Variants in KIF1B observed in about 807,000 individuals in gnomAD.
KIF1B encodes the protein kinesin-like protein KIF1B.
KIF1B carries 76 observed loss-of-function variants against 241.9 expected under a neutral mutation model. The observed-to-expected ratio is 0.31, with a 90% CI of 0.26 to 0.38. KIF1B has a LOEUF of 0.38. KIF1B is among the 10% of genes least tolerant of loss of function. The probability of loss-of-function intolerance (pLI) is 1.00; values close to 1 mark genes in which losing one functional copy is unlikely to be tolerated. For missense variants in KIF1B, 1,622 were observed against 2,271.4 expected (o/e 0.71, Z 5.81); for synonymous variants, 750 against 796.7 (o/e 0.94, Z 0.99).
At position 10,296,624 on chromosome 1, in the gene KIF1B, T is replaced by C; in HGVS notation, c.1820T>C (p.Val607Ala). Residue 607 changes from valine (V) to alanine (A), a missense_variant, in exon 20 of 49, where the codon GTA becomes GCA. Transcript: ENST00000676179. Reference protein sequence around the residue: ...LEPCERSETYVNGKRVSQPVQ... With the variant: ...LEPCERSETYANGKRVSQPVQ... ...CCCTGTGAGCGCTCAGAAACCTACG[T>C]AAATGGCAAGAGGGTGTCCCAGCCT... 1 of 1,614,018 alleles carries C rather than the reference T, an allele frequency of 6.2e-7. No homozygotes were observed. Among genetic ancestry groups the C allele is most frequent in the Non-Finnish European group, 8.5e-7 (1 of 1,179,966 alleles).
In KIF1B at chr1:10,298,626, TTTATC is replaced by T. The variant is rs57105776; in HGVS notation, c.2115+1384_2115+1388del. 3.2e-3 allele frequency among the ~76,000 whole-genome samples: 491 copies of T among 152,256 alleles called. 4 individuals are homozygous for T. The highest frequency in any genetic ancestry group is 0.011 in the African/African-American group (476 of 41,548). On this transcript the variant is annotated intron_variant, in intron 22 of 48. Coordinates refer to ENST00000676179, the MANE Select transcript of KIF1B (RefSeq NM_001365951.3). ...AGGTTTGTGACACAAGAAGATGTCT[TTTATC>T]TTAATAATGTAGTACATTCTAATAA...
At position 10,375,081 on chromosome 1, in the gene KIF1B, C is replaced by T. The variant is rs373547749; in HGVS notation, c.5289+35C>T. ...GCCCTGCCTTGGTTTCTTATTGCCA[C>T]GTGTGCCCTTCTCTTTTGATTTCTG... is the stretch of plus-strand genomic sequence containing the variant. On this transcript the variant is annotated intron_variant, in intron 47 of 48. Coordinates refer to ENST00000676179, the MANE Select transcript of KIF1B (RefSeq NM_001365951.3). 27 of 1,601,580 alleles carry T rather than the reference C, an allele frequency of 1.7e-5. No homozygotes were observed. In the African/African-American group the frequency reaches 1.9e-4, roughly 11 times the overall value.
intron 1 of KIF1B, among the ~76,000 whole-genome samples, chr1:10,221,026 A>C (rs1646838254): frequency 6.6e-6 from 1 of 151,168 alleles, no homozygotes; most frequent in Non-Finnish European, 1.5e-5. Context: ...GAGATTAAAA[A>C]TCTGATATGT....
At chr1:10,213,707 T>G (rs115472863) in intron 1 of KIF1B, among the ~76,000 whole-genome samples, 316 of 152,356 alleles carry the variant, frequency 2.1e-3, no homozygotes, top group African/African-American at 7.2e-3. Flanking sequence ...TGGCCTCGTT[T>G]GAACAGGTAC....
At chr1:10,344,161 T>C (rs1358920753) in intron 34 of KIF1B, among the ~76,000 whole-genome samples, 1 of 152,204 alleles carries the variant, frequency 6.6e-6, no homozygotes, top group East Asian at 1.9e-4. Context: ...GTTGGACACA[T>C]TTTCTGAGCA....
At chr1:10,293,162 C>A (rs1650091016) in intron 17 of KIF1B, among the ~76,000 whole-genome samples, 1 of 150,786 alleles carries the variant, frequency 6.6e-6, no homozygotes, top group Non-Finnish European at 1.5e-5. Flanking sequence ...ATTTTAGATG[C>A]ATATTGTAGA....
chr1:10,352,339 T>G (rs1167731754), intron 37 of KIF1B, among the ~76,000 whole-genome samples: 1 of 152,178 alleles, frequency 6.6e-6, no homozygotes, highest in Non-Finnish European at 1.5e-5. Context: ...TAAATGGCTG[T>G]TGCAGGTTCC....
intron 12 of KIF1B, among the ~76,000 whole-genome samples, chr1:10,277,434 G>A (rs1649177290): frequency 6.6e-6 from 1 of 152,154 alleles, no homozygotes; most frequent in Admixed American, 6.5e-5. Flanking sequence ...ACCTGGGCTC[G>A]TGTGATTCTC....
intron 5 of KIF1B, 72 bp from the exon 6 acceptor site, chr1:10,267,308 G>T: frequency 7.3e-7 from 1 of 1,370,896 alleles, no homozygotes; most frequent in Non-Finnish European, 1.0e-6. Flanking sequence ...GATTACAGGC[G>T]TGAGCCACCG....
chr1:10,256,084 C>T (rs994639351), intron 2 of KIF1B, among the ~76,000 whole-genome samples, 163 bp from the exon 3 acceptor site: 6 of 151,864 alleles, frequency 4.0e-5, no homozygotes, highest in Non-Finnish European at 8.8e-5. Flanking sequence ...GCTGAAATTA[C>T]AGGCATGAGC....
At chr1:10,322,654 G>C (rs1048900925) in intron 24 of KIF1B, among the ~76,000 whole-genome samples, 5 of 152,086 alleles carry the variant, frequency 3.3e-5, no homozygotes, top group African/African-American at 1.2e-4. Context: ...TCTTCTCCTA[G>C]AACTAAATTC....
chr1:10,380,517 C>T lies in KIF1B; in HGVS notation c.*3930C>T, dbSNP rs549049444. ...GGTCAGAAGTTTGAGACCAGCCTGGCCAACATGGTGAAACCCCGTCTCTAC... is the reference window on the plus strand; with the variant it reads ...GGTCAGAAGTTTGAGACCAGCCTGGTCAACATGGTGAAACCCCGTCTCTAC... On this transcript the variant is annotated 3_prime_UTR_variant, in exon 49 of 49. Coordinates refer to ENST00000676179, the MANE Select transcript of KIF1B (RefSeq NM_001365951.3). 1.7e-3 allele frequency: 309 copies of T among 181,142 alleles called. 1 individual carries two copies. Among genetic ancestry groups the T allele is most frequent in the African/African-American group, 6.9e-3 (292 of 42,520 alleles). The allele number at this position is 181,142 out of a possible 1,614,324, so 11.2% of individuals were successfully genotyped here.
At position 10,356,365 on chromosome 1, in the gene KIF1B, GA is replaced by G. The variant is rs528957527; in HGVS notation, c.4055+3638del. ...GGGCGACAGAGCGAGACTCTGTCTCGAAAAAAAAATACATAAACATATTTAT... is the reference window on the plus strand; with the variant it reads ...GGGCGACAGAGCGAGACTCTGTCTCGAAAAAAAATACATAAACATATTTAT... On this transcript the variant is annotated intron_variant, in intron 38 of 48. Coordinates refer to ENST00000676179, the MANE Select transcript of KIF1B (RefSeq NM_001365951.3). 1.0e-4 allele frequency among the ~76,000 whole-genome samples: 15 copies of G among 148,968 alleles called. No individual in the cohort carries two copies. In the East Asian group the frequency reaches 2.4e-3, roughly 24 times the overall value.
rs192109748 is a variant in KIF1B at position 10,275,322 on chromosome 1, G to T, written c.883-106G>T. ...AATGATAAACTTCCACAGTGTCGGG[G>T]TTGTACTGTAATTTAATTTACTTGG... On this transcript the variant is annotated intron_variant, in intron 10 of 48. Transcript: ENST00000676179. The T allele has an allele frequency of 1.2e-4, 87 of 722,568 alleles. No individual in the cohort carries two copies. The African/African-American group carries it at 1.3e-3, about 10-fold the overall frequency. 44.8% of individuals were successfully genotyped at this position (722,568 alleles called of 1,614,324 possible). A position where few individuals can be genotyped will look rare whatever the true frequency, so the allele number is the denominator to read the frequency against.
chr1:10,277,041 A>C (rs1221542941), intron 12 of KIF1B, among the ~76,000 whole-genome samples: 4 of 151,974 alleles, frequency 2.6e-5, no homozygotes, highest in African/African-American at 9.7e-5. Flanking sequence ...AGATGGCGCC[A>C]CTGCACTCCA....
chr1:10,363,465 G>A lies in KIF1B; in HGVS notation c.4366+121G>A, dbSNP rs532113096. 8.7e-6 allele frequency: 7 copies of A among 808,674 alleles called. No individual in the cohort carries two copies. In the Admixed American group the frequency reaches 1.3e-4, roughly 15 times the overall value. 50.1% of individuals were successfully genotyped at this position (808,674 alleles called of 1,614,324 possible). A position where few individuals can be genotyped will look rare whatever the true frequency, so the allele number is the denominator to read the frequency against. On this transcript the variant is annotated intron_variant, in intron 41 of 48. Transcript: ENST00000676179. ...CCAGCGCTTTGGGAGGCCAAGGCGG[G>A]TGGATCACCTGAGTCCAGGAGTTCA...
At position 10,255,328 on chromosome 1, in the gene KIF1B, G is replaced by A. The variant is rs565528826; in HGVS notation, c.107-919G>A. On this transcript the variant is annotated intron_variant, in intron 2 of 48. Coordinates refer to ENST00000676179, the MANE Select transcript of KIF1B (RefSeq NM_001365951.3). ...ATGTGGGCCAGGTGCAGTGGCTCAC[G>A]CCTGTAATCCCAGCAGTTAGGGAGG... Among the ~76,000 whole-genome samples the A allele has an allele frequency of 4.6e-5, 7 of 152,076 alleles. No individual in the cohort carries two copies. In the East Asian group the frequency reaches 5.9e-4, roughly 13 times the overall value.
chr1:10,275,283 G>T, intron 10 of KIF1B, 145 bp from the exon 11 acceptor site: 1 of 635,818 alleles, frequency 1.6e-6, no homozygotes, highest in Non-Finnish European at 2.8e-6. Flanking sequence ...GTTTTGTGAA[G>T]AATTGAAACT....
At chr1:10,373,161 G>A (rs767569601) in intron 45 of KIF1B, among the ~76,000 whole-genome samples, 27 of 149,318 alleles carry the variant, frequency 1.8e-4, no homozygotes, top group East Asian at 6.0e-4. Context: ...GGGTTTCACC[G>A]TGTTAGCCAG....
Sources: allele counts gnomAD v4.1 joint callset (sites outside exome capture counted in the v4.1 genomes callset), GRCh38; gene constraint gnomAD v4.1.1; transcripts MANE v1.5; gene names NCBI Gene and HGNC (gene_info 2026-07-23, HGNC 2026-07-21).